The following NCOR2 variants were observed in gnomAD, a reference collection of about 807,000 sequenced individuals.
NCOR2 encodes the protein CTG repeat protein 26.
A neutral mutation model predicts 262.9 loss-of-function variants in NCOR2; 81 were observed. That is an observed-to-expected ratio of 0.31 (90% CI 0.26 to 0.37). NCOR2 has a LOEUF of 0.37. NCOR2 is among the 10% of genes least tolerant of loss of function. The pLI is 1.00. For synonymous variants in NCOR2, 1,659 were observed against 1,559.3 expected (o/e 1.06, Z -1.51); for missense variants, 3,385 against 3,621.4 (o/e 0.93, Z 1.68).
chr12:124,461,166 C>T (rs2046140943), intron 5 of NCOR2, among the ~76,000 whole-genome samples: 1 of 152,236 alleles, frequency 6.6e-6, no homozygotes, highest in African/African-American at 2.4e-5. Flanking sequence ...CCGCTGAAAC[C>T]CGACTGCCCC....
intron 9 of NCOR2, among the ~76,000 whole-genome samples, 178 bp downstream of exon 11, chr12:124,430,437 A>G (rs2043848286): frequency 6.6e-6 from 1 of 152,164 alleles, no homozygotes; most frequent in African/African-American, 2.4e-5. Context: ...AGTTCCAAGT[A>G]AGTATTAGGC....
chr12:124,420,726 C>T (rs2043158079), intron 12 of NCOR2, among the ~76,000 whole-genome samples: 1 of 152,226 alleles, frequency 6.6e-6, no homozygotes. Context: ...CACGATGCCC[C>T]CACTTGCGGG....
In NCOR2 at chr12:124,430,514, T is replaced by C. The variant is rs1706887367; in HGVS notation, c.1055+101A>G. The C allele has an allele frequency of 3.2e-5, 45 of 1,406,806 alleles. No homozygotes were observed. In the South Asian group the frequency reaches 6.4e-4, roughly 20 times the overall value. 87.1% of individuals were successfully genotyped at this position (1,406,806 alleles called of 1,614,324 possible). Reference sequence around the variant, plus strand: ...CCTGGCCACTGGCCTGAGAAGCTGCTGTGCTGTTCTGTTCCTTCCTGGCCA... The same window carrying C: ...CCTGGCCACTGGCCTGAGAAGCTGCCGTGCTGTTCTGTTCCTTCCTGGCCA... On this transcript the variant is annotated intron_variant, in intron 9 of 46. Transcript: ENST00000405201.
intron 7 of NCOR2, among the ~76,000 whole-genome samples, chr12:124,439,309 A>G (rs2044660023): frequency 6.6e-6 from 1 of 151,746 alleles, no homozygotes. Flanking sequence ...AGAGAGAGAC[A>G]GAGACCCAGA....
rs1475581977 is a variant in NCOR2 at position 124,566,812 on chromosome 12, C to A, written c.-165+496G>T. ...CTAGGAGGGACAAGGCTGGCTCTCCCCCTCGGCTGGTGAGAGACCCTCATG... is the reference window on the plus strand; with the variant it reads ...CTAGGAGGGACAAGGCTGGCTCTCCACCTCGGCTGGTGAGAGACCCTCATG... On this transcript the variant is annotated intron_variant, in intron 1 of 32. Transcript: ENST00000458234. This position sits in a 1 kb window ranked among gnomAD's most constrained non-coding sequence, Gnocchi z 4.3. Among the ~76,000 whole-genome samples the A allele has an allele frequency of 6.6e-6, 1 of 152,190 alleles. No individual in the cohort carries two copies. The highest frequency in any genetic ancestry group is 2.4e-5 in the African/African-American group (1 of 41,454).
chr12:124,334,273 C>T (rs1486906102), intron 41 of NCOR2, 151 bp downstream of exon 43: 1 of 555,350 alleles, frequency 1.8e-6, no homozygotes, highest in South Asian at 2.5e-5. Context: ...CTCTGTGACT[C>T]CCCCATCTCC....
At chr12:124,449,252 G>A (rs1313867816) in intron 7 of NCOR2, among the ~76,000 whole-genome samples, 3 of 152,206 alleles carry the variant, frequency 2.0e-5, no homozygotes, top group Non-Finnish European at 2.9e-5. Context: ...TCCTAGCACC[G>A]GTCTGGGAAA....
At chr12:124,336,649 G>A in intron 38 of NCOR2, 104 bp downstream of exon 40, 1 of 1,516,190 alleles carries the variant, frequency 6.6e-7, no homozygotes, top group Middle Eastern at 2.5e-4. Context: ...CATCGCGAGG[G>A]GAGCCGTTGG....
intron 7 of NCOR2, among the ~76,000 whole-genome samples, chr12:124,438,522 TG>T (rs1342945857): frequency 2.0e-5 from 3 of 151,154 alleles, no homozygotes; most frequent in Non-Finnish European, 4.4e-5. Context: ...GGGCAGCTGG[TG>T]GGGCCACCAG....
intron 8 of NCOR2, among the ~76,000 whole-genome samples, chr12:124,433,083 A>G (rs559965204): frequency 1.3e-5 from 2 of 152,304 alleles, no homozygotes; most frequent in South Asian, 4.1e-4. Flanking sequence ...ACCAAGGGCA[A>G]GCTGTGCCCT....
At chr12:124,400,438 T>C (rs2041933364) in intron 15 of NCOR2, 63 bp downstream of exon 17, 6 of 1,573,208 alleles carry the variant, frequency 3.8e-6, no homozygotes, top group Middle Eastern at 2.2e-4. Context: ...GAAACTTTCA[T>C]ATGAGCGCAA....
At position 124,457,610 on chromosome 12, in the gene NCOR2, G is replaced by A. The variant is rs974762811; in HGVS notation, c.706-448C>T. ...GGGAAGGAGGAGGAGGAGGAGGAGG[G>A]AGGGTGAGATAGAGGCGCTCGGAGA... is the stretch of plus-strand genomic sequence containing the variant. On this transcript the variant is annotated intron_variant, in intron 5 of 46. Coordinates refer to ENST00000405201, the Ensembl canonical transcript of NCOR2. This position sits in a 1 kb window ranked among gnomAD's most constrained non-coding sequence, Gnocchi z 4.0. Among the ~76,000 whole-genome samples, 8 of 152,108 alleles carry A rather than the reference G, an allele frequency of 5.3e-5. No individual in the cohort carries two copies. The highest frequency in any genetic ancestry group is 1.2e-4 in the Non-Finnish European group (8 of 68,010).
At chr12:124,339,006 C>T (rs541012801) in intron 37 of NCOR2, among the ~76,000 whole-genome samples, 281 of 144,216 alleles carry the variant, frequency 1.9e-3, no homozygotes, top group African/African-American at 6.8e-3. Context: ...CCAGCTAAGC[C>T]AGCGTCTATA....
rs1343404285 is a variant in NCOR2, at chr12:124,503,697, T to C, written c.-117-8329A>G. On this transcript the variant is annotated intron_variant, in intron 1 of 46. Transcript: ENST00000404621. This position sits in a 1 kb window ranked among gnomAD's most constrained non-coding sequence, Gnocchi z 4.3. ...ATGGATGGATGGATGGATGGATGGA[T>C]GGATGGATGGATGGACAGACGAATG... 6.8e-6 allele frequency among the ~76,000 whole-genome samples: 1 copy of C among 147,978 alleles called. No homozygotes were observed. Among genetic ancestry groups the C allele is most frequent in the African/African-American group, 2.5e-5 (1 of 39,366 alleles).
Position 124,454,880 on chromosome 12 carries a change from C to A in NCOR2, c.762+2226G>T, listed in dbSNP as rs986310990. 2.6e-5 allele frequency among the ~76,000 whole-genome samples: 4 copies of A among 152,154 alleles called. No individual in the cohort carries two copies. Among genetic ancestry groups the A allele is most frequent in the African/African-American group, 4.8e-5 (2 of 41,436 alleles). On this transcript the variant is annotated intron_variant, in intron 6 of 46. Coordinates refer to ENST00000405201, the Ensembl canonical transcript of NCOR2. This position sits in a 1 kb window ranked among gnomAD's most constrained non-coding sequence, Gnocchi z 5.6. ...GTTCACAGCAACTTTATTCACAATA[C>A]CCCAAATATGCAAACAATCTCACGT...
chr12:124,364,583 T>C (rs2038873422), intron 20 of NCOR2, among the ~76,000 whole-genome samples: 2 of 152,174 alleles, frequency 1.3e-5, no homozygotes, highest in Admixed American at 1.3e-4. Context: ...ACACGGTGCC[T>C]GGCAGAGCGT....
At chr12:124,532,044 C>T (rs993653450) in intron 1 of NCOR2, among the ~76,000 whole-genome samples, 3 of 152,160 alleles carry the variant, frequency 2.0e-5, no homozygotes, top group Non-Finnish European at 2.9e-5. Flanking sequence ...TCTGCTGCTG[C>T]ACCCTGGGGA....
exon 33 of NCOR2, chr12:124,343,024 G>T (rs201653383): frequency 5.0e-6 from 8 of 1,611,162 alleles, no homozygotes; most frequent in Admixed American, 3.3e-5. Context: ...GAGGGATGCC[G>T]CGGGGTATGG....
chr12:124,422,283 C>T (rs2043250731), intron 12 of NCOR2, among the ~76,000 whole-genome samples: 1 of 152,212 alleles, frequency 6.6e-6, no homozygotes, highest in Non-Finnish European at 1.5e-5. Flanking sequence ...CAACCTGAGG[C>T]TCCTCCTCCA....
Sources: gnomAD v4.1 joint callset for allele counts (sites outside exome capture counted in the v4.1 genomes callset) on GRCh38, gnomAD v4.1.1 for gene constraint, Gnocchi (gnomAD v3.1) non-coding constraint, MANE v1.5 for transcripts, NCBI Gene and HGNC (gene_info 2026-07-23, HGNC 2026-07-21) for gene names.